Variants in PCDHGA5 observed in about 807,000 individuals in gnomAD.
The protein encoded by PCDHGA5 is protocadherin gamma-A5.
Under a neutral mutation model 56.7 loss-of-function variants are expected in PCDHGA5, and 36 were observed. The observed-to-expected ratio is 0.64, with a 90% CI of 0.49 to 0.84. PCDHGA5 has a LOEUF of 0.84. PCDHGA5 is among the 40% of genes least tolerant of loss of function. PCDHGA5 has a pLI of 0.00. For synonymous variants in PCDHGA5, 563 were observed against 520.2 expected (o/e 1.08, Z -1.12); for missense variants, 1,305 against 1,201.5 (o/e 1.09, Z -1.27).
At chr5:141,379,879 G>A (rs1158947637) in intron 1 of PCDHGA5, among the ~76,000 whole-genome samples, 1 of 102,124 alleles carries the variant, frequency 9.8e-6, no homozygotes, top group African/African-American at 3.5e-5. Context: ...TTTATGGTCT[G>A]TGAAAGCCTC....
intron 1 of PCDHGA5, among the ~76,000 whole-genome samples, chr5:141,445,544 T>C (rs1223868698): frequency 6.6e-6 from 1 of 152,126 alleles, no homozygotes; most frequent in Non-Finnish European, 1.5e-5. Context: ...CAAGGAGAAA[T>C]ACAAAAGCAC....
At chr5:141,404,451 C>G in intron 1 of PCDHGA5, 4 of 1,613,166 alleles carry the variant, frequency 2.5e-6, no homozygotes, top group Non-Finnish European at 3.4e-6. Flanking sequence ...CAAGGGTCTC[C>G]TCTCTCCACC....
chr5:141,367,991 T>C (rs941036288), intron 1 of PCDHGA5, among the ~76,000 whole-genome samples: 16 of 152,230 alleles, frequency 1.1e-4, no homozygotes, highest in Admixed American at 1.0e-3. Context: ...TTAATAGATT[T>C]GTCTTAATGA....
chr5:141,456,308 T>C (rs2098849199), intron 1 of PCDHGA5, among the ~76,000 whole-genome samples: 1 of 152,156 alleles, frequency 6.6e-6, no homozygotes, highest in Non-Finnish European at 1.5e-5. Context: ...GAACAGCAGC[T>C]AGGGCTCCTC....
intron 1 of PCDHGA5, chr5:141,384,930 C>G (rs764481830): frequency 6.2e-7 from 1 of 1,614,060 alleles, no homozygotes; most frequent in Admixed American, 1.7e-5. Context: ...ACCTGGGCAG[C>G]CTTGAGCCCT....
At chr5:141,381,475 GA>G (rs1777221405) in intron 1 of PCDHGA5, among the ~76,000 whole-genome samples, 1 of 152,226 alleles carries the variant, frequency 6.6e-6, no homozygotes, top group African/African-American at 2.4e-5. Context: ...GCTGTCTAGA[GA>G]TCCCTGTTTT....
At chr5:141,375,769 C>G in intron 1 of PCDHGA5, 2 of 1,614,238 alleles carry the variant, frequency 1.2e-6, no homozygotes, top group Non-Finnish European at 1.7e-6. Context: ...CGCCCGAGAT[C>G]CTGTACCCCG....
chr5:141,419,454 T>A (rs1191326733), intron 1 of PCDHGA5: 1 of 1,612,786 alleles, frequency 6.2e-7, no homozygotes, highest in Non-Finnish European at 8.5e-7. Flanking sequence ...GAGCTCACGC[T>A]GCAGGCCCGC....
intron 1 of PCDHGA5, chr5:141,433,123 C>G (rs575738328): frequency 3.7e-6 from 6 of 1,614,116 alleles, no homozygotes; most frequent in Non-Finnish European, 5.1e-6. Context: ...TTGAAAAAAG[C>G]GAGCCCCTTT....
At chr5:141,417,972 C>T (rs2154547391) in intron 1 of PCDHGA5, 2 of 1,613,830 alleles carry the variant, frequency 1.2e-6, no homozygotes, top group Admixed American at 1.7e-5. Flanking sequence ...TACTCGATTC[C>T]GGAGGAGCTG....
rs530194567 is a variant in PCDHGA5, at chr5:141,417,884, C to G, written c.2421+51133C>G. On this transcript the variant is annotated intron_variant, in intron 1 of 3. Transcript: ENST00000518069. ...GATGGGAGGGAGCTGCGCGCAGAGG[C>G]GCCGGGCCGGCCCGCGGCAGGTACT... 2.1e-4 allele frequency: 327 copies of G among 1,561,600 alleles called. No individual in the cohort carries two copies. In the South Asian group the frequency reaches 3.4e-3, roughly 16 times the overall value.
In PCDHGA5 at chr5:141,493,755, A is replaced by C. The variant is rs1364524112; in HGVS notation, c.2422-1052A>C. Among the ~76,000 whole-genome samples, 1 of 152,148 alleles carries C rather than the reference A, an allele frequency of 6.6e-6. No homozygotes were observed. The highest frequency in any genetic ancestry group is 2.4e-5 in the African/African-American group (1 of 41,440). On this transcript the variant is annotated intron_variant, in intron 1 of 3. Coordinates refer to ENST00000518069, the MANE Select transcript of PCDHGA5 (RefSeq NM_018918.3). The surrounding 1 kb of genome is among the most constrained non-coding windows in gnomAD (Gnocchi z 4.3). ...ATATCACTGCCACCTGTGAGCCTTG[A>C]GTGAGCCACTGGCAGTTCCGGAGCT...
At chr5:141,407,497 G>GTTTTTTTTTTTTTTTTTTTTTTT (rs1554102286) in intron 1 of PCDHGA5, among the ~76,000 whole-genome samples, 2 of 152,088 alleles carry the variant, frequency 1.3e-5, no homozygotes, top group African/African-American at 4.8e-5. Context: ...CTTTATTTCT[G>GTTTTTTTTTTTTTTTTTTTTTTT]TTTTTCTTAG....
intron 1 of PCDHGA5, chr5:141,419,499 G>A: frequency 6.2e-7 from 1 of 1,612,368 alleles, no homozygotes; most frequent in Non-Finnish European, 8.5e-7. Context: ...GCCAATGTGA[G>A]CCTGCGCGTG....
At chr5:141,502,030 C>T (rs1031787021) in intron 2 of PCDHGA5, among the ~76,000 whole-genome samples, 4 of 152,180 alleles carry the variant, frequency 2.6e-5, no homozygotes, top group Non-Finnish European at 4.4e-5. Flanking sequence ...CAACCCCCGC[C>T]GCTTGCCTGC....
At chr5:141,383,517 G>A (rs374823629) in intron 1 of PCDHGA5, 1 of 1,612,492 alleles carries the variant, frequency 6.2e-7, no homozygotes, top group Non-Finnish European at 8.5e-7. Context: ...AGGAAGAGCG[G>A]GTTCACCACC....
chr5:141,418,273 A>G (rs1440274831), intron 1 of PCDHGA5: 2 of 1,614,082 alleles, frequency 1.2e-6, no homozygotes, highest in Non-Finnish European at 8.5e-7. Flanking sequence ...AAGATGAAAT[A>G]AACTTAGAAA....
At chr5:141,413,034 G>C in intron 1 of PCDHGA5, 1 of 783,270 alleles carries the variant, frequency 1.3e-6, no homozygotes, top group East Asian at 2.8e-5. Context: ...CAAACCGGCT[G>C]CTGGGCTGCA....
rs781173070 is a variant in PCDHGA5, at chr5:141,374,478, G to T, written c.2421+7727G>T. 3.1e-6 allele frequency: 5 copies of T among 1,611,820 alleles called. No homozygotes were observed. In the Admixed American group the frequency reaches 5.0e-5, roughly 16 times the overall value. The stretch of plus-strand genomic sequence containing the variant: ...GTGGACATTAATGACAATACACCCC[G>T]ATTCTTAAAGGAAGAATTGGAAGTG... On this transcript the variant is annotated intron_variant, in intron 1 of 3. Coordinates refer to ENST00000518069, the MANE Select transcript of PCDHGA5 (RefSeq NM_018918.3).
Sources: gnomAD v4.1 joint callset for allele counts (sites outside exome capture counted in the v4.1 genomes callset) on GRCh38, gnomAD v4.1.1 for gene constraint, Gnocchi (gnomAD v3.1) non-coding constraint, MANE v1.5 for transcripts, NCBI Gene and HGNC (gene_info 2026-07-23, HGNC 2026-07-21) for gene names.